Variants in MCTP1 observed in about 807,000 individuals in gnomAD.
The protein encoded by MCTP1 is multiple C2 and transmembrane domain containing 1.
A neutral mutation model predicts 120.6 loss-of-function variants in MCTP1; 69 were observed. That is an observed-to-expected ratio of 0.57 (90% confidence interval 0.47 to 0.70). The LOEUF is 0.70. Among genes scored for constraint, MCTP1 ranks in the 30% least tolerant of loss-of-function variants. The probability of loss-of-function intolerance (pLI) is 0.00; values close to 1 mark genes in which losing one functional copy is unlikely to be tolerated. For missense variants in MCTP1, 1,203 were observed against 1,248.8 expected, an observed-to-expected ratio of 0.96 and a Z score of 0.55; for synonymous variants, 529 against 493.1, an observed-to-expected ratio of 1.07 and a Z score of -0.96.
intron 12 of MCTP1, among the ~76,000 whole-genome samples, chr5:94,887,491 T>G (rs555856000): frequency 6.6e-6 from 1 of 152,180 alleles, no homozygotes; most frequent in Non-Finnish European, 1.5e-5. Context: ...TTGAAATAAA[T>G]GGTACTTGCA....
At position 94,826,245 on chromosome 5, in the gene MCTP1, C is replaced by T. The variant is rs1787042658; in HGVS notation, c.2437-27113G>A. 3 of 441,430 alleles carry T rather than the reference C, an allele frequency of 6.8e-6. No homozygotes were observed. The Admixed American group carries it at 8.6e-5, about 13-fold the overall frequency. 27.3% of individuals were successfully genotyped at this position (441,430 alleles called of 1,614,324 possible). ...CTATAACCATGCTTGTAGATTAGTT[C>T]ATTTACTAACTTTAGATTTGGGAAC... On this transcript the variant is annotated intron_variant, in intron 17 of 22. Coordinates refer to ENST00000515393, the MANE Select transcript of MCTP1 (RefSeq NM_024717.7).
At position 94,826,662 on chromosome 5, in the gene MCTP1, G is replaced by C. The variant is rs529481692; in HGVS notation, c.2437-27530C>G. 5.5e-6 allele frequency: 4 copies of C among 725,150 alleles called. No individual in the cohort carries two copies. In the East Asian group the frequency reaches 1.1e-4, roughly 19 times the overall value. 44.9% of individuals were successfully genotyped at this position (725,150 alleles called of 1,614,324 possible). On this transcript the variant is annotated intron_variant, in intron 17 of 22. Transcript: ENST00000515393. The stretch of plus-strand genomic sequence containing the variant: ...TTCTTGAGGGTTTCTGGCACAGCAG[G>C]AACCTTCTCTTCTTCTCTTATACAC...
chr5:94,856,596 TA>T lies in MCTP1; in HGVS notation c.2436+11736del, dbSNP rs139390919. ...TCAGACTTGGTTTAGGAAGACTGTG[TA>T]AAAAAAAAATAATTACAGCAGCAAA... is the stretch of plus-strand genomic sequence containing the variant. On this transcript the variant is annotated intron_variant, in intron 17 of 22. Coordinates refer to ENST00000515393, the MANE Select transcript of MCTP1 (RefSeq NM_024717.7). 4.0e-3 allele frequency among the ~76,000 whole-genome samples: 599 copies of T among 148,820 alleles called. 5 individuals are homozygous for T. The highest frequency in any genetic ancestry group is 0.014 in the African/African-American group (557 of 40,748).
chr5:94,750,885 C>T (rs1768120142), intron 19 of MCTP1, among the ~76,000 whole-genome samples: 1 of 152,106 alleles, frequency 6.6e-6, no homozygotes, highest in Non-Finnish European at 1.5e-5. Flanking sequence ...ATCGATGCTG[C>T]CAGCTAGCAG....
At chr5:94,893,104 G>A (rs1287977979) in intron 11 of MCTP1, among the ~76,000 whole-genome samples, 6 of 151,924 alleles carry the variant, frequency 3.9e-5, no homozygotes, top group Admixed American at 1.3e-4. Flanking sequence ...TCAAACATCC[G>A]CATAATATTT....
In MCTP1 at chr5:94,799,032, T is replaced by G; in HGVS notation, c.2537A>C (p.Asp846Ala). Reference sequence around the variant, plus strand: ...ACTTACTGTATCACGTTGCCTGTTATCTTTCCCTGATATTATCAAGAAGTA... The same window carrying G: ...ACTTACTGTATCACGTTGCCTGTTAGCTTTCCCTGATATTATCAAGAAGTA... ...WNYFLIISGK[D>A]NRQRDTVVED... The change falls in exon 18 of 23, where the codon GAT (aspartate) becomes GCT (alanine). Residue 846 changes from aspartate (D) to alanine (A), a missense_variant. Coordinates refer to ENST00000515393, the MANE Select transcript of MCTP1 (RefSeq NM_024717.7). The G allele has an allele frequency of 1.9e-6, 3 of 1,612,008 alleles. No homozygotes were observed. The highest frequency in any genetic ancestry group is 2.5e-6 in the Non-Finnish European group (3 of 1,178,704).
intron 1 of MCTP1, among the ~76,000 whole-genome samples, chr5:95,234,744 T>C (rs913853470): frequency 9.9e-5 from 15 of 152,160 alleles, no homozygotes; most frequent in Admixed American, 2.0e-4. Context: ...TTAGAAGATA[T>C]AGACAAATTC....
intron 17 of MCTP1, among the ~76,000 whole-genome samples, chr5:94,834,812 CTTTTTTTTTTTTT>C (rs141103769): frequency 2.3e-5 from 2 of 88,638 alleles, no homozygotes; most frequent in South Asian, 4.1e-4. Flanking sequence ...AACATTCTCT[CTTTTTTTTTTTTT>C]TTTTTTTTTG....
chr5:94,873,634 G>A (rs1798235802), intron 12 of MCTP1, among the ~76,000 whole-genome samples: 1 of 151,846 alleles, frequency 6.6e-6, no homozygotes, highest in African/African-American at 2.4e-5. Context: ...TCACTCTAAG[G>A]CATATATTTT....
chr5:95,257,484 GT>G (rs992877815), intron 1 of MCTP1, among the ~76,000 whole-genome samples: 1 of 151,754 alleles, frequency 6.6e-6, no homozygotes, highest in African/African-American at 2.4e-5. Flanking sequence ...TGCCTACATT[GT>G]TTTTTTAATC....
At chr5:95,153,960 T>C (rs1386611697) in intron 1 of MCTP1, among the ~76,000 whole-genome samples, 1 of 152,244 alleles carries the variant, frequency 6.6e-6, no homozygotes, top group African/African-American at 2.4e-5. Flanking sequence ...GTAAAAATTA[T>C]ATTTTTAGCT....
At chr5:94,874,100 C>A (rs940781600) in intron 12 of MCTP1, among the ~76,000 whole-genome samples, 1 of 151,944 alleles carries the variant, frequency 6.6e-6, no homozygotes, top group Non-Finnish European at 1.5e-5. Flanking sequence ...TTGTTTGATA[C>A]CTTATACAAA....
intron 2 of MCTP1, among the ~76,000 whole-genome samples, chr5:94,969,227 C>T (rs1012999533): frequency 7.2e-5 from 11 of 152,186 alleles, no homozygotes; most frequent in Non-Finnish European, 1.5e-4. Context: ...CTGATGGGCA[C>T]TTCAACATTC....
intron 1 of MCTP1, among the ~76,000 whole-genome samples, chr5:95,223,809 T>A (rs1753954379): frequency 6.6e-6 from 1 of 152,208 alleles, no homozygotes; most frequent in Non-Finnish European, 1.5e-5. Flanking sequence ...TCTTCAATGT[T>A]AACTTGAGCC....
Position 95,021,612 on chromosome 5 carries a change from A to G in MCTP1, c.721-4128T>C, listed in dbSNP as rs533469338. Among the ~76,000 whole-genome samples, 83 of 152,024 alleles carry G rather than the reference A, an allele frequency of 5.5e-4. 1 individual carries two copies. The highest frequency in any genetic ancestry group is 1.0e-3 in the Non-Finnish European group (68 of 67,928). ...AATTCTTTTCCATTTCCATTCTGAT[A>G]AGGTTATTTCTAGTATAATGGACAA... is the stretch of plus-strand genomic sequence containing the variant. On this transcript the variant is annotated intron_variant, in intron 1 of 22. Transcript: ENST00000515393.
rs535358143 is a variant in MCTP1 at position 94,917,259 on chromosome 5, G to A, written c.1350+637C>T. Among the ~76,000 whole-genome samples, 5 of 152,236 alleles carry A rather than the reference G, an allele frequency of 3.3e-5. No individual in the cohort carries two copies. In the East Asian group the frequency reaches 9.6e-4, roughly 29 times the overall value. ...TCAATAAAATTTGCATATTGCGGCT[G>A]GTACTTAGTTTTCTGAGGTAATGCT... On this transcript the variant is annotated intron_variant, in intron 8 of 22. Transcript: ENST00000515393.
intron 1 of MCTP1, among the ~76,000 whole-genome samples, chr5:95,076,833 G>T (rs1753704403): frequency 6.6e-6 from 1 of 151,938 alleles, no homozygotes; most frequent in Non-Finnish European, 1.5e-5. Flanking sequence ...TGACTCCTTT[G>T]GGTCAAAGCC....
chr5:94,978,578 T>C (rs1029505175), intron 2 of MCTP1, among the ~76,000 whole-genome samples: 3 of 152,074 alleles, frequency 2.0e-5, no homozygotes, highest in Admixed American at 1.3e-4. Context: ...CTTGAAGACA[T>C]TATGCTATAT....
chr5:94,906,625 T>C (rs1244976850), intron 10 of MCTP1, among the ~76,000 whole-genome samples: 2 of 152,240 alleles, frequency 1.3e-5, no homozygotes, highest in Non-Finnish European at 2.9e-5. Context: ...AACTCTGTTA[T>C]TGAGTTTGCA....
Sources: allele counts gnomAD v4.1 joint callset (sites outside exome capture counted in the v4.1 genomes callset), GRCh38; gene constraint gnomAD v4.1.1; transcripts MANE v1.5; gene names NCBI Gene and HGNC (gene_info 2026-07-23, HGNC 2026-07-21).